NLGN1: variants seen among roughly 807,000 people sequenced by gnomAD.
NLGN1 encodes the protein neuroligin 1.
Under a neutral mutation model 65.5 loss-of-function variants are expected in NLGN1, and 12 were observed. The observed-to-expected ratio is 0.18, with a 90% confidence interval of 0.12 to 0.30. The LOEUF (loss-of-function observed/expected upper bound fraction) is 0.30. NLGN1 is among the 10% of genes least tolerant of loss of function. The pLI is 1.00. For missense variants in NLGN1, 750 were observed against 1,007.1 expected (o/e 0.74, Z 3.46); for synonymous variants, 350 against 359.5 (o/e 0.97, Z 0.30).
intron 2 of NLGN1, among the ~76,000 whole-genome samples, chr3:173,471,038 T>C (rs1386881912): frequency 1.3e-5 from 2 of 152,026 alleles, no homozygotes; most frequent in Non-Finnish European, 1.5e-5. Context: ...TAATTATCTT[T>C]CTAGGAAATG....
In NLGN1 at chr3:174,056,917, TA is replaced by T. The variant is rs200295327; in HGVS notation, c.647-218397del. On this transcript the variant is annotated intron_variant, in intron 4 of 6. Coordinates refer to ENST00000457714, the Ensembl canonical transcript of NLGN1. Reference sequence around the variant, plus strand: ...ATCTAACTTTTAAGCCATATATATATATTTTTTTTCATTTTTCTACATTATG... The same window carrying T: ...ATCTAACTTTTAAGCCATATATATATTTTTTTTTCATTTTTCTACATTATG... Among the ~76,000 whole-genome samples, 108 of 151,148 alleles carry T rather than the reference TA, an allele frequency of 7.1e-4. 2 individuals are homozygous for T. The highest frequency in any genetic ancestry group is 3.4e-3 in the Middle Eastern group (1 of 294).
chr3:173,831,820 G>C (rs1200548203), intron 4 of NLGN1, among the ~76,000 whole-genome samples: 1 of 152,114 alleles, frequency 6.6e-6, no homozygotes. Context: ...TAATTCAGTA[G>C]AGACACATAC....
At chr3:174,067,725 G>C (rs748889307) in intron 4 of NLGN1, among the ~76,000 whole-genome samples, 10 of 152,092 alleles carry the variant, frequency 6.6e-5, no homozygotes, top group Non-Finnish European at 1.2e-4. Flanking sequence ...CCCTGTACCA[G>C]GGCCCCCTGA....
chr3:173,929,790 T>C (rs1236832652), intron 4 of NLGN1, among the ~76,000 whole-genome samples: 1 of 151,926 alleles, frequency 6.6e-6, no homozygotes, highest in Non-Finnish European at 1.5e-5. Context: ...CCGCAACTTC[T>C]GCCTCTCGGG....
At chr3:173,819,012 T>G (rs1312986157) in intron 4 of NLGN1, among the ~76,000 whole-genome samples, 2 of 151,680 alleles carry the variant, frequency 1.3e-5, no homozygotes, top group East Asian at 1.9e-4. Context: ...TAAAATATAG[T>G]GCAATTTCAT....
intron 2 of NLGN1, among the ~76,000 whole-genome samples, chr3:173,525,954 T>C (rs1356908242): frequency 6.6e-6 from 1 of 152,158 alleles, no homozygotes; most frequent in African/African-American, 2.4e-5. Flanking sequence ...TCCACCATGG[T>C]CCAAGAAAAT....
intron 3 of NLGN1, among the ~76,000 whole-genome samples, chr3:173,635,753 T>A (rs1240085880): frequency 6.6e-6 from 1 of 152,148 alleles, no homozygotes; most frequent in African/African-American, 2.4e-5. Flanking sequence ...AATGAAAACC[T>A]TGAAGTATCA....
rs185627190 is a variant in NLGN1, at chr3:173,487,884, A to G, written c.-321+52806A>G. Among the ~76,000 whole-genome samples, 972 of 152,036 alleles carry G rather than the reference A, an allele frequency of 6.4e-3. 16 individuals are homozygous for G. Among genetic ancestry groups the G allele is most frequent in the African/African-American group, 0.023 (939 of 41,544 alleles). ...AGTAAGCAGCTGTTATTTTCAATGC[A>G]TTTTAAGTTTCTGTCTCTGAACTAA... On this transcript the variant is annotated intron_variant, in intron 2 of 6. Transcript: ENST00000457714.
chr3:174,242,797 C>G (rs1323414363), intron 4 of NLGN1, among the ~76,000 whole-genome samples: 1 of 152,116 alleles, frequency 6.6e-6, no homozygotes, highest in Non-Finnish European at 1.5e-5. Flanking sequence ...CATCCTGAAA[C>G]CATTCCCGCC....
At chr3:173,995,291 C>T (rs1158149081) in intron 4 of NLGN1, among the ~76,000 whole-genome samples, 1 of 152,204 alleles carries the variant, frequency 6.6e-6, no homozygotes, top group Non-Finnish European at 1.5e-5. Flanking sequence ...CTGCTTCTCT[C>T]TGTCCACCTG....
intron 4 of NLGN1, among the ~76,000 whole-genome samples, chr3:174,155,235 T>A (rs1725227347): frequency 6.6e-6 from 1 of 151,328 alleles, no homozygotes; most frequent in Non-Finnish European, 1.5e-5. Context: ...GACAAGACGT[T>A]GATACTCTAG....
At chr3:173,672,402 TTTGCATA>T (rs1268657622) in intron 3 of NLGN1, among the ~76,000 whole-genome samples, 7 of 152,146 alleles carry the variant, frequency 4.6e-5, no homozygotes, top group Non-Finnish European at 1.0e-4. Context: ...GCTTACGAGA[TTTGCATA>T]AGGTTATTGT....
intron 4 of NLGN1, among the ~76,000 whole-genome samples, chr3:173,870,513 A>C (rs1448840270): frequency 3.3e-5 from 5 of 152,192 alleles, no homozygotes. Context: ...CAGTTTCAAC[A>C]AAAAGGGGGC....
Position 174,282,435 on chromosome 3 carries a change from ACAATT to A in NLGN1, c.*1135_*1139del, listed in dbSNP as rs546117048. The A allele has an allele frequency of 3.2e-3, 481 of 152,320 alleles. 2 individuals are homozygous for A. The highest frequency in any genetic ancestry group is 0.011 in the African/African-American group (457 of 41,516). 9.4% of individuals were successfully genotyped at this position (152,320 alleles called of 1,614,324 possible). A position where few individuals can be genotyped will look rare whatever the true frequency, so the allele number is the denominator to read the frequency against. On this transcript the variant is annotated 3_prime_UTR_variant, in exon 7 of 7. Coordinates refer to ENST00000457714, the Ensembl canonical transcript of NLGN1. ...CTGCATGACAAAATGTTTACTAATA[ACAATT>A]CATTATAAAGTTATATCCCTCTTTA...
intron 4 of NLGN1, among the ~76,000 whole-genome samples, chr3:174,246,368 G>A (rs1743789978): frequency 6.6e-6 from 1 of 152,136 alleles, no homozygotes; most frequent in Non-Finnish European, 1.5e-5. Flanking sequence ...TTTTTGAGAA[G>A]AATAGACAAG....
At chr3:174,258,849 G>A (rs772415084) in intron 4 of NLGN1, among the ~76,000 whole-genome samples, 3 of 152,216 alleles carry the variant, frequency 2.0e-5, no homozygotes, top group Non-Finnish European at 4.4e-5. Flanking sequence ...GGAGAGAAAA[G>A]AAAGGGAAGG....
intron 3 of NLGN1, among the ~76,000 whole-genome samples, chr3:173,804,987 C>G (rs1216863223): frequency 6.6e-6 from 1 of 152,128 alleles, no homozygotes; most frequent in African/African-American, 2.4e-5. Flanking sequence ...GATCACGCCA[C>G]TGCACTCCAG....
rs1028247255 is a variant in NLGN1 at position 173,487,728 on chromosome 3, A to G, written c.-321+52650A>G. Among the ~76,000 whole-genome samples the G allele has an allele frequency of 3.3e-5, 5 of 152,030 alleles. No individual in the cohort carries two copies. In the South Asian group the frequency reaches 1.0e-3, roughly 31 times the overall value. ...TTTATCTCTAATATTTCTTTTTGCC[A>G]TAAAGTGTATTTTATGTGAAATCAA... On this transcript the variant is annotated intron_variant, in intron 2 of 6. Coordinates refer to ENST00000457714, the Ensembl canonical transcript of NLGN1.
intron 4 of NLGN1, among the ~76,000 whole-genome samples, chr3:173,825,476 G>C (rs1030128343): frequency 6.6e-6 from 1 of 151,926 alleles, no homozygotes; most frequent in Middle Eastern, 3.2e-3. Flanking sequence ...ATTAATATTA[G>C]TAAGATGTAT....
Sources: allele counts gnomAD v4.1 joint callset (sites outside exome capture counted in the v4.1 genomes callset), GRCh38; gene constraint gnomAD v4.1.1; transcripts MANE v1.5; gene names NCBI Gene and HGNC (gene_info 2026-07-23, HGNC 2026-07-21).